The following VAMP7 variants were observed in gnomAD, a reference collection of about 807,000 sequenced individuals.
VAMP7 encodes the protein vesicle associated membrane protein 7.
In VAMP7, 14 loss-of-function variants were observed where a neutral mutation model predicts 29.6. That is an observed-to-expected ratio of 0.47 (90% CI 0.31 to 0.74). The LOEUF is 0.74. VAMP7 is among the 30% of genes least tolerant of loss of function. The pLI is 0.05. For missense variants in VAMP7, 223 were observed against 262.4 expected (o/e 0.85, Z 1.04); for synonymous variants, 95 against 88.1 (o/e 1.08, Z -0.44).
intron 2 of VAMP7, among the ~76,000 whole-genome samples, chrX:155,894,313 T>G (rs1177795715): frequency 1.9e-4 from 29 of 150,844 alleles, no homozygotes; most frequent in Non-Finnish European, 3.8e-4. Flanking sequence ...TTTTTTTTTT[T>G]TTTTTTTTTT....
intron 5 of VAMP7, among the ~76,000 whole-genome samples, chrX:155,916,334 T>TG (rs2066312847): frequency 6.6e-6 from 1 of 152,206 alleles, no homozygotes; most frequent in South Asian, 2.1e-4. Flanking sequence ...GTCTTTTATT[T>TG]GGGGCATTTA....
chrX:155,911,204 A>C (rs2066232569), intron 5 of VAMP7, among the ~76,000 whole-genome samples: 1 of 152,166 alleles, frequency 6.6e-6, no homozygotes, highest in African/African-American at 2.4e-5. Flanking sequence ...TCCTTTCCCC[A>C]GTGTACGTCC....
At chrX:155,911,749 T>G (rs759026652) in intron 5 of VAMP7, among the ~76,000 whole-genome samples, 2 of 152,298 alleles carry the variant, frequency 1.3e-5, no homozygotes, top group South Asian at 4.1e-4. Flanking sequence ...CATAAAGTTT[T>G]ATTTCACCAA....
intron 1 of VAMP7, among the ~76,000 whole-genome samples, chrX:155,884,320 T>A (rs996159632): frequency 1.3e-5 from 2 of 151,434 alleles, no homozygotes; most frequent in African/African-American, 4.9e-5. Context: ...AGAAACGGGG[T>A]TTCTCCATGT....
At chrX:155,886,075 A>G (rs2065862014) in intron 1 of VAMP7, among the ~76,000 whole-genome samples, 1 of 152,058 alleles carries the variant, frequency 6.6e-6, no homozygotes, top group African/African-American at 2.4e-5. Context: ...TTTATGTTGC[A>G]TTATCTTTTT....
At chrX:155,913,837 G>T (rs1245071884) in intron 5 of VAMP7, among the ~76,000 whole-genome samples, 1 of 152,122 alleles carries the variant, frequency 6.6e-6, no homozygotes, top group Non-Finnish European at 1.5e-5. Flanking sequence ...TCTTGCTTAG[G>T]ATTGTCTTGG....
intron 5 of VAMP7, among the ~76,000 whole-genome samples, chrX:155,906,270 T>C (rs2066145652): frequency 6.6e-6 from 1 of 152,114 alleles, no homozygotes; most frequent in Admixed American, 6.5e-5. Context: ...GTTATATAAG[T>C]CCGGCCAGCT....
At chrX:155,889,870 A>G (rs1368115473) in intron 2 of VAMP7, among the ~76,000 whole-genome samples, 1 of 92,074 alleles carries the variant, frequency 1.1e-5, no homozygotes, top group African/African-American at 4.4e-5. Context: ...ACTTTGCTCT[A>G]GAGCTGTGTG....
chrX:155,927,064 G>A (rs1164431526), intron 6 of VAMP7, among the ~76,000 whole-genome samples: 1 of 152,104 alleles, frequency 6.6e-6, no homozygotes, highest in African/African-American at 2.4e-5. Context: ...ATAATGAAAA[G>A]TTTGAAATGT....
chrX:155,900,529 A>T lies in VAMP7; in HGVS notation c.375A>T (p.Lys125Asn). 1 of 1,610,998 alleles carries T rather than the reference A, an allele frequency of 6.2e-7. No homozygotes were observed. Among genetic ancestry groups the T allele is most frequent in the Non-Finnish European group, 8.5e-7 (1 of 1,178,256 alleles). ...ACTCTGAGAATAAGGGCCTAGACAA[A>T]GTGATGGAGACTCAAGCCCAAGTGG... is the stretch of plus-strand genomic sequence containing the variant. ...KHHSENKGLD[K>N]VMETQAQVDE... Residue 125 changes from lysine (K) to asparagine (N), a missense_variant, in exon 5 of 8, where the codon AAA becomes AAT. Lys to Asn is a moderately conservative substitution (Grantham distance 94, BLOSUM62 0). Transcript: ENST00000286448.
intron 5 of VAMP7, among the ~76,000 whole-genome samples, chrX:155,911,200 C>T (rs1353405378): frequency 9.9e-5 from 15 of 152,280 alleles, no homozygotes; most frequent in Non-Finnish European, 2.9e-5. Flanking sequence ...AGTGTCCTTT[C>T]CCCAGTGTAC....
intron 4 of VAMP7, among the ~76,000 whole-genome samples, chrX:155,899,542 G>GCA (rs34027276): frequency 0.61 from 91,459 of 150,298 alleles, 27,845 homozygotes; most frequent in East Asian, 0.67. Flanking sequence ...TAAATTTTAT[G>GCA]CACACACACA....
At chrX:155,927,274 C>T (rs887675441) in intron 6 of VAMP7, among the ~76,000 whole-genome samples, 5 of 151,456 alleles carry the variant, frequency 3.3e-5, no homozygotes, top group Non-Finnish European at 5.9e-5. Context: ...ATGTAGATAA[C>T]GGGTTGATGG....
At chrX:155,913,147 T>G (rs1295019554) in intron 5 of VAMP7, among the ~76,000 whole-genome samples, 3 of 152,202 alleles carry the variant, frequency 2.0e-5, no homozygotes, top group Non-Finnish European at 4.4e-5. Flanking sequence ...TTTTTTTTCA[T>G]ATGTTTATTG....
intron 2 of VAMP7, among the ~76,000 whole-genome samples, chrX:155,890,610 C>T (rs1187979678): frequency 6.6e-6 from 1 of 152,152 alleles, no homozygotes; most frequent in Non-Finnish European, 1.5e-5. Flanking sequence ...ATTCGCCTGC[C>T]TTGGCCTCCC....
chrX:155,900,292 T>C (rs745860102), intron 4 of VAMP7, among the ~76,000 whole-genome samples: 2 of 152,030 alleles, frequency 1.3e-5, no homozygotes, highest in East Asian at 1.9e-4. Flanking sequence ...TACATACTTA[T>C]AGTTTGTATA....
intron 6 of VAMP7, among the ~76,000 whole-genome samples, chrX:155,920,736 C>G (rs1295876398): frequency 2.0e-5 from 3 of 152,142 alleles, no homozygotes; most frequent in African/African-American, 7.2e-5. Context: ...GTACCCACTT[C>G]AGAGCATTTT....
chrX:155,883,905 G>C (rs1462174179), intron 1 of VAMP7, among the ~76,000 whole-genome samples: 1 of 151,304 alleles, frequency 6.6e-6, no homozygotes, highest in Non-Finnish European at 1.5e-5. Flanking sequence ...AGTAGAGACG[G>C]GATTTCACCA....
chrX:155,929,381 A>G (rs1337293715), intron 6 of VAMP7, among the ~76,000 whole-genome samples: 15 of 152,194 alleles, frequency 9.9e-5, no homozygotes, highest in Admixed American at 3.9e-4. Flanking sequence ...TTGTATCACA[A>G]ATTCCAGGAA....
Sources: gnomAD v4.1 joint callset for allele counts (sites outside exome capture counted in the v4.1 genomes callset) on GRCh38, gnomAD v4.1.1 for gene constraint, MANE v1.5 for transcripts, NCBI Gene and HGNC (gene_info 2026-07-23, HGNC 2026-07-21) for gene names.